The following KCND2 variants were observed in gnomAD, a reference collection of about 807,000 sequenced individuals.
KCND2 encodes the protein A-type voltage-gated potassium channel KCND2.
Under a neutral mutation model 54.4 loss-of-function variants are expected in KCND2, and 16 were observed. That is an observed-to-expected ratio of 0.29 (90% CI 0.20 to 0.45). The LOEUF is 0.45. Among genes scored for constraint, KCND2 ranks in the 20% least tolerant of loss-of-function variants. KCND2 has a pLI of 1.00. For synonymous variants in KCND2, 317 were observed against 310.7 expected, an observed-to-expected ratio of 1.02 and a Z score of -0.21; for missense variants, 486 against 824.2, an observed-to-expected ratio of 0.59 and a Z score of 5.02.
intron 1 of KCND2, among the ~76,000 whole-genome samples, chr7:120,567,701 A>G (rs1584831673): frequency 1.3e-5 from 2 of 152,274 alleles, no homozygotes; most frequent in Non-Finnish European, 2.9e-5. Flanking sequence ...ATTATGCAGT[A>G]TATTATTTTC....
At chr7:120,325,794 A>G (rs1799965699) in intron 1 of KCND2, among the ~76,000 whole-genome samples, 1 of 152,038 alleles carries the variant, frequency 6.6e-6, no homozygotes, top group African/African-American at 2.4e-5. Context: ...TTGAGTTGAG[A>G]TTTTTGGAGT....
chr7:120,458,244 C>T (rs914297724), intron 1 of KCND2, among the ~76,000 whole-genome samples: 1 of 152,156 alleles, frequency 6.6e-6, no homozygotes, highest in Non-Finnish European at 1.5e-5. Context: ...TATACTAACT[C>T]GTTATACTAT....
intron 1 of KCND2, among the ~76,000 whole-genome samples, chr7:120,629,836 A>G (rs1793211178): frequency 6.6e-6 from 1 of 152,184 alleles, no homozygotes; most frequent in Non-Finnish European, 1.5e-5. Flanking sequence ...AGTCGGGACA[A>G]CTAGAAAAAT....
intron 1 of KCND2, among the ~76,000 whole-genome samples, chr7:120,483,205 TA>T (rs2116284268): frequency 6.6e-6 from 1 of 152,300 alleles, no homozygotes; most frequent in Non-Finnish European, 1.5e-5. Flanking sequence ...TCAGAGTCTT[TA>T]AAAATAATGT....
chr7:120,448,014 CA>C (rs1219075953), intron 1 of KCND2, among the ~76,000 whole-genome samples: 2 of 152,054 alleles, frequency 1.3e-5, no homozygotes, highest in South Asian at 4.2e-4. Flanking sequence ...AAACTGGACC[CA>C]AAAAACCTTG....
At chr7:120,315,988 G>T (rs1799806709) in intron 1 of KCND2, among the ~76,000 whole-genome samples, 1 of 151,802 alleles carries the variant, frequency 6.6e-6, no homozygotes, top group Non-Finnish European at 1.5e-5. Flanking sequence ...ACATAAAGAA[G>T]GAAAGTATAC....
chr7:120,492,054 C>A (rs1361364415), intron 1 of KCND2, among the ~76,000 whole-genome samples: 3 of 152,044 alleles, frequency 2.0e-5, no homozygotes, highest in Non-Finnish European at 2.9e-5. Flanking sequence ...AAGCTGATAC[C>A]GGACATCAGT....
intron 1 of KCND2, among the ~76,000 whole-genome samples, chr7:120,388,461 T>G (rs2116045145): frequency 6.6e-6 from 1 of 152,138 alleles, no homozygotes; most frequent in Admixed American, 6.6e-5. Context: ...TAGTTTCTTC[T>G]TAGCAAACCA....
intron 1 of KCND2, among the ~76,000 whole-genome samples, chr7:120,732,162 G>A (rs1471106681): frequency 6.6e-6 from 1 of 152,126 alleles, no homozygotes; most frequent in African/African-American, 2.4e-5. Context: ...TTTATATGGA[G>A]AAGATAAGAG....
intron 1 of KCND2, among the ~76,000 whole-genome samples, chr7:120,354,955 TA>T (rs1360773792): frequency 6.6e-5 from 10 of 152,294 alleles, no homozygotes; most frequent in Admixed American, 1.3e-4. Flanking sequence ...AAAACACTTT[TA>T]GGGGAAAGAA....
At chr7:120,400,460 T>G (rs1259826471) in intron 1 of KCND2, among the ~76,000 whole-genome samples, 1 of 152,212 alleles carries the variant, frequency 6.6e-6, no homozygotes, top group East Asian at 1.9e-4. Context: ...GTGTATCTAT[T>G]GATTGTCTGT....
chr7:120,474,865 T>G (rs1333672522), intron 1 of KCND2, among the ~76,000 whole-genome samples: 1 of 152,172 alleles, frequency 6.6e-6, no homozygotes, highest in African/African-American at 2.4e-5. Flanking sequence ...CTTCATCATC[T>G]TCTTACCTCA....
At chr7:120,290,356 A>G (rs1272155813) in intron 1 of KCND2, among the ~76,000 whole-genome samples, 1 of 152,048 alleles carries the variant, frequency 6.6e-6, no homozygotes. Context: ...TATACATGAA[A>G]TAAACTTAGA....
In KCND2 at chr7:120,542,487, C is replaced by T. The variant is rs115402272; in HGVS notation, c.1116-190416C>T. Among the ~76,000 whole-genome samples, 1,290 of 152,116 alleles carry T rather than the reference C, an allele frequency of 8.5e-3. 18 individuals carry two copies. Among genetic ancestry groups the T allele is most frequent in the African/African-American group, 0.029 (1,209 of 41,514 alleles). The stretch of plus-strand genomic sequence containing the variant: ...AATTGCATGTAAAATAATAAAATTA[C>T]CCTTATAAGTCTCCCAACTTCTCTC... On this transcript the variant is annotated intron_variant, in intron 1 of 5. Transcript: ENST00000331113.
chr7:120,340,220 G>A (rs1190924445), intron 1 of KCND2, among the ~76,000 whole-genome samples: 1 of 152,246 alleles, frequency 6.6e-6, no homozygotes, highest in Non-Finnish European at 1.5e-5. Flanking sequence ...ATCCACGTAA[G>A]TGATAACTGT....
At chr7:120,480,289 G>A (rs1430765376) in intron 1 of KCND2, among the ~76,000 whole-genome samples, 1 of 152,056 alleles carries the variant, frequency 6.6e-6, no homozygotes, top group Non-Finnish European at 1.5e-5. Flanking sequence ...AAATATAGAG[G>A]AAATATGTAA....
At chr7:120,341,500 G>C (rs911084121) in intron 1 of KCND2, among the ~76,000 whole-genome samples, 1 of 152,148 alleles carries the variant, frequency 6.6e-6, no homozygotes, top group Non-Finnish European at 1.5e-5. Context: ...TTAAGGTCAT[G>C]TTGGCATCAA....
intron 1 of KCND2, among the ~76,000 whole-genome samples, chr7:120,699,281 C>CA (rs201668632): frequency 0.27 from 37,914 of 138,224 alleles, 5,280 homozygotes; most frequent in East Asian, 0.45. Context: ...GACTCCATCT[C>CA]AAAAAAAAAA....
intron 1 of KCND2, among the ~76,000 whole-genome samples, chr7:120,316,916 A>G (rs1338654838): frequency 1.7e-4 from 26 of 151,976 alleles, no homozygotes; most frequent in Non-Finnish European, 2.9e-5. Flanking sequence ...GCTCACAGCA[A>G]CCTCTGCCTC....
Sources: gnomAD v4.1 joint callset for allele counts (sites outside exome capture counted in the v4.1 genomes callset) on GRCh38, gnomAD v4.1.1 for gene constraint, MANE v1.5 for transcripts, NCBI Gene and HGNC (gene_info 2026-07-23, HGNC 2026-07-21) for gene names.